Variants in SLC48A1 observed in about 807,000 individuals in gnomAD.
The protein encoded by SLC48A1 is heme transporter HRG1.
Under a neutral mutation model 14.8 loss-of-function variants are expected in SLC48A1, and 6 were observed. The ratio of observed to expected loss-of-function variants is 0.41; its 90% CI spans 0.22 to 0.80. SLC48A1 has a LOEUF of 0.80. SLC48A1 is among the 30% of genes least tolerant of loss of function. The probability of loss-of-function intolerance (pLI) is 0.34; values close to 1 mark genes in which losing one functional copy is unlikely to be tolerated. For synonymous variants in SLC48A1, 89 were observed against 90.0 expected (o/e 0.99, Z 0.06); for missense variants, 165 against 204.8 (o/e 0.81, Z 1.19).
chr12:47,773,516 C>G (rs1300113738), intron 1 of SLC48A1, 76 bp downstream of exon 1: 2 of 1,242,640 alleles, frequency 1.6e-6, no homozygotes, highest in African/African-American at 1.6e-5. Context: ...CCAGGACGCT[C>G]CCCGCGAGCG....
intron 1 of SLC48A1, chr12:47,758,806 A>T: frequency 8.1e-7 from 1 of 1,233,874 alleles, no homozygotes; most frequent in East Asian, 3.3e-5. Flanking sequence ...CACCGGCGAC[A>T]GGGAGCCCCG....
chr12:47,780,774 C>G lies in SLC48A1; in HGVS notation c.*493C>G, dbSNP rs536944238. On this transcript the variant is annotated 3_prime_UTR_variant, in exon 3 of 3. Coordinates refer to ENST00000442218, the MANE Select transcript of SLC48A1 (RefSeq NM_017842.3). ...TAGAGACAGGGTTTTGCCATGTTGGCCAGGCTGGTCTCGAACTCCTGATCT... is the reference window on the plus strand; with the variant it reads ...TAGAGACAGGGTTTTGCCATGTTGGGCAGGCTGGTCTCGAACTCCTGATCT... 2.3e-6 allele frequency: 1 copy of G among 437,732 alleles called. No individual in the cohort carries two copies. Among genetic ancestry groups the G allele is most frequent in the Non-Finnish European group, 4.6e-6 (1 of 217,638 alleles). The allele number at this position is 437,732 out of a possible 1,614,324, so 27.1% of individuals were successfully genotyped here.
chr12:47,754,784 T>A (rs945156544), upstream of SLC48A1, among the ~76,000 whole-genome samples: 3 of 152,098 alleles, frequency 2.0e-5, no homozygotes, highest in Non-Finnish European at 2.9e-5. Flanking sequence ...GGGTTCTCAG[T>A]TGGGAAGAAG....
chr12:47,765,117 T>TAAAAAAAAAA, intron 2 of SLC48A1, among the ~76,000 whole-genome samples: 1 of 63,436 alleles, frequency 1.6e-5, no homozygotes, highest in Non-Finnish European at 3.1e-5. Context: ...AAAAAAAAAT[T>TAAAAAAAAAA]AGGGGAGGGT....
chr12:47,765,144 G>GGAGAGAGAAACAGAAAAGTGGGATCCA (rs1461739767), intron 2 of SLC48A1, among the ~76,000 whole-genome samples: 9 of 147,470 alleles, frequency 6.1e-5, no homozygotes, highest in South Asian at 2.1e-4. Flanking sequence ...AAGAGGGTCT[G>GGAGAGAGAAACAGAAAAGTGGGATCCA]GAGAGAGAAA....
exon 2 of SLC48A1, chr12:47,760,374 G>C: frequency 1.0e-5 from 10 of 985,488 alleles, no homozygotes; most frequent in Non-Finnish European, 1.2e-5. Context: ...GAAACTGACA[G>C]GAAAGGATGA....
upstream of SLC48A1, among the ~76,000 whole-genome samples, chr12:47,766,783 G>A (rs1459593861): frequency 6.6e-6 from 1 of 152,176 alleles, no homozygotes; most frequent in Non-Finnish European, 1.5e-5. Context: ...GGCTGTCAGT[G>A]GGCAGGCAGA....
upstream of SLC48A1, among the ~76,000 whole-genome samples, chr12:47,754,439 G>A (rs1321107622): frequency 6.6e-6 from 1 of 152,234 alleles, no homozygotes; most frequent in East Asian, 1.9e-4. Flanking sequence ...GCTATTCAAG[G>A]GCAGTGGTCA....
At chr12:47,758,519 C>T (rs758902418), upstream of SLC48A1, 31 of 1,612,116 alleles carry the variant, frequency 1.9e-5, no homozygotes, top group Non-Finnish European at 2.6e-5. Flanking sequence ...CCCTCTCCTG[C>T]TCCTCCTCAA....
intron 2 of SLC48A1, among the ~76,000 whole-genome samples, chr12:47,762,818 G>A (rs1002748639): frequency 2.0e-5 from 3 of 152,066 alleles, no homozygotes; most frequent in African/African-American, 4.8e-5. Context: ...ACCTTGCCTC[G>A]CTCAGTCCTT....
upstream of SLC48A1, among the ~76,000 whole-genome samples, chr12:47,768,201 T>A (rs1942557201): frequency 6.6e-6 from 1 of 152,196 alleles, no homozygotes; most frequent in Non-Finnish European, 1.5e-5. Flanking sequence ...GGCCTCGAAC[T>A]CCTGACCTCA....
intron 1 of SLC48A1, chr12:47,758,935 C>G: frequency 9.7e-7 from 1 of 1,033,136 alleles, no homozygotes; most frequent in Non-Finnish European, 1.2e-6. Context: ...CCCCCTTCCC[C>G]TCCCCAGGAC....
At chr12:47,775,361 G>A (rs1007933004) in intron 1 of SLC48A1, among the ~76,000 whole-genome samples, 4 of 149,274 alleles carry the variant, frequency 2.7e-5, no homozygotes, top group Admixed American at 6.6e-5. Flanking sequence ...AGAGAGAGGC[G>A]CTAGGGCAGC....
chr12:47,760,217 T>C, exon 2 of SLC48A1: 1 of 985,470 alleles, frequency 1.0e-6, no homozygotes, highest in Non-Finnish European at 1.2e-6. Context: ...ACACCCCAGG[T>C]CATCTGCTGT....
At chr12:47,764,405 T>C (rs1942464459) in intron 2 of SLC48A1, among the ~76,000 whole-genome samples, 2 of 152,208 alleles carry the variant, frequency 1.3e-5, no homozygotes, top group African/African-American at 2.4e-5. Context: ...ATCTTCCAAC[T>C]CATCCCAGGC....
intron 1 of SLC48A1, among the ~76,000 whole-genome samples, chr12:47,776,835 C>G (rs780972750): frequency 1.2e-4 from 18 of 152,318 alleles, no homozygotes; most frequent in Admixed American, 3.3e-4. Flanking sequence ...TCACAGGCCC[C>G]TATTTCAGCA....
intron 2 of SLC48A1, among the ~76,000 whole-genome samples, chr12:47,762,438 C>T (rs1300562464): frequency 2.0e-5 from 3 of 152,318 alleles, no homozygotes; most frequent in African/African-American, 7.2e-5. Context: ...AAGTGAGGAG[C>T]CTGATACCCT....
upstream of SLC48A1, chr12:47,769,206 A>C (rs1041473585): frequency 2.6e-5 from 4 of 152,190 alleles, no homozygotes; most frequent in Admixed American, 6.5e-5. Flanking sequence ...GTGTAGTTCA[A>C]ATTTGGGAGG....
upstream of SLC48A1, among the ~76,000 whole-genome samples, chr12:47,769,914 AT>A (rs1289505623): frequency 6.6e-6 from 1 of 152,278 alleles, no homozygotes; most frequent in Non-Finnish European, 1.5e-5. Flanking sequence ...ATTAAATACA[AT>A]TAAAAATTCA....
Sources: allele counts gnomAD v4.1 joint callset (sites outside exome capture counted in the v4.1 genomes callset), GRCh38; gene constraint gnomAD v4.1.1; transcripts MANE v1.5; gene names NCBI Gene and HGNC (gene_info 2026-07-23, HGNC 2026-07-21).